Variants in TAPT1 observed in about 807,000 individuals in gnomAD.
TAPT1 encodes the protein transmembrane anterior posterior transformation 1.
A neutral mutation model predicts 65.6 loss-of-function variants in TAPT1; 28 were observed. That is an observed-to-expected ratio of 0.43 (90% CI 0.32 to 0.59). The LOEUF is 0.59. TAPT1 is among the 20% of genes least tolerant of loss of function. The pLI is 0.09. For synonymous variants in TAPT1, 278 were observed against 245.2 expected, an observed-to-expected ratio of 1.13 and a Z score of -1.25; for missense variants, 563 against 679.9, an observed-to-expected ratio of 0.83 and a Z score of 1.91.
chr4:16,192,784 G>A (rs1749450822), intron 3 of TAPT1, among the ~76,000 whole-genome samples: 1 of 152,088 alleles, frequency 6.6e-6, no homozygotes, highest in African/African-American at 2.4e-5. Flanking sequence ...TTTTTTAGGA[G>A]CTGCAGAATC....
In TAPT1 at chr4:16,161,813, T is replaced by G. The variant is rs1357130178; in HGVS notation, c.*1495A>C. On this transcript the variant is annotated 3_prime_UTR_variant, in exon 14 of 14. Transcript: ENST00000405303. Reference sequence around the variant, plus strand: ...ACATTAAAGCTTGCTTTATATTTCATCCAAGAAACAGACAAATCACCTAAA... The same window carrying G: ...ACATTAAAGCTTGCTTTATATTTCAGCCAAGAAACAGACAAATCACCTAAA... 3 of 152,342 alleles carry G rather than the reference T, an allele frequency of 2.0e-5. No individual in the cohort carries two copies. Among genetic ancestry groups the G allele is most frequent in the Non-Finnish European group, 4.4e-5 (3 of 68,024 alleles). The allele number at this position is 152,342 out of a possible 1,614,324, so 9.4% of individuals were successfully genotyped here.
chr4:16,191,668 TA>T (rs1391208376), intron 3 of TAPT1, 145 bp from the exon 4 acceptor site: 5 of 868,192 alleles, frequency 5.8e-6, no homozygotes, highest in Non-Finnish European at 6.8e-6. Flanking sequence ...CAAGGGAGGT[TA>T]AACTAAATGA....
intron 2 of TAPT1, among the ~76,000 whole-genome samples, chr4:16,202,816 G>A (rs1237612239): frequency 6.6e-6 from 1 of 152,154 alleles, no homozygotes; most frequent in Admixed American, 6.5e-5. Context: ...CTTGACCATA[G>A]TTAATGGCAC....
At position 16,166,642 on chromosome 4, in the gene TAPT1, G is replaced by T. The variant is rs777190099; in HGVS notation, c.1465C>A (p.Pro489Thr). Residue 489 changes from proline to threonine, a missense_variant, in exon 13 of 14, where the codon CCC becomes ACC. By Grantham distance (38) the Pro-to-Thr change is conservative. This residue lies in a region of TAPT1 where 136 missense variants were observed against 153.9 expected (regional missense o/e 0.88). Transcript: ENST00000405303. ...PSSKSQNKCK[P>T]SQGLSTEENL... ...AAGGGACCAAACCTACCTTGAGAGG[G>T]TTTACATTTGTTCTGTGATTTACTG... The T allele has an allele frequency of 1.2e-6, 2 of 1,613,998 alleles. No homozygotes were observed. Among genetic ancestry groups the T allele is most frequent in the Non-Finnish European group, 1.7e-6 (2 of 1,179,862 alleles).
At chr4:16,226,578 C>T (rs1751585857), upstream of TAPT1, 1 of 628,212 alleles carries the variant, frequency 1.6e-6, no homozygotes, top group Non-Finnish European at 2.0e-6. Flanking sequence ...CGCCGCCATC[C>T]GCGGCCCGCC....
chr4:16,206,943 G>C (rs73130451), intron 2 of TAPT1, among the ~76,000 whole-genome samples: 26,492 of 152,128 alleles, frequency 0.17, 2,822 homozygotes, highest in East Asian at 0.31. Context: ...AGAATGGTAA[G>C]ACAGTTGCAG....
intron 13 of TAPT1, among the ~76,000 whole-genome samples, chr4:16,165,877 C>T (rs1747576612): frequency 6.6e-6 from 1 of 152,146 alleles, no homozygotes; most frequent in African/African-American, 2.4e-5. Flanking sequence ...ACCTCTGGGC[C>T]CACCCCTCTG....
intron 1 of TAPT1, among the ~76,000 whole-genome samples, chr4:16,223,273 A>C (rs1350582245): frequency 6.6e-6 from 1 of 152,242 alleles, no homozygotes; most frequent in African/African-American, 2.4e-5. Context: ...GCTATACAGA[A>C]ACTCTCCTAC....
rs531695855 is a variant in TAPT1, at chr4:16,161,420, A to C, written c.*1888T>G. 5.2e-5 allele frequency: 8 copies of C among 152,788 alleles called. No individual in the cohort carries two copies. Among genetic ancestry groups the C allele is most frequent in the African/African-American group, 1.9e-4 (8 of 41,596 alleles). The allele number at this position is 152,788 out of a possible 1,614,324, so 9.5% of individuals were successfully genotyped here. A position where few individuals can be genotyped will look rare whatever the true frequency, so the allele number is the denominator to read the frequency against. On this transcript the variant is annotated 3_prime_UTR_variant, in exon 14 of 14. Transcript: ENST00000405303. Reference sequence around the variant, plus strand: ...GAACTCCCAACAGCATCTGCAAAGGAATGGAAATCTTCTGAAAATGACAGC... The same window carrying C: ...GAACTCCCAACAGCATCTGCAAAGGCATGGAAATCTTCTGAAAATGACAGC...
Position 16,188,354 on chromosome 4 carries a change from A to AC in TAPT1, c.613dup (p.Val205GlyfsTer3). The AC allele has an allele frequency of 6.4e-7, 1 of 1,566,162 alleles. No individual in the cohort carries two copies. Among genetic ancestry groups the AC allele is most frequent in the South Asian group, 1.2e-5 (1 of 81,826 alleles). The stretch of plus-strand genomic sequence containing the variant: ...AAAAGATGAAAACAGACGATCAGCT[A>AC]CCTAAAAAAAAAAATTATTTGTAAG... On this transcript the variant is annotated frameshift_variant and splice_region_variant, in exon 5 of 14. Coordinates refer to ENST00000405303, the MANE Select transcript of TAPT1 (RefSeq NM_153365.3). LOFTEE classifies it high-confidence loss of function.
chr4:16,177,580 G>C lies in TAPT1; in HGVS notation c.998-1352C>G, dbSNP rs372745331. ...CTGCTACTAACTGCTATATGACCTT[G>C]GACAAGTTTTTTTTTTAATCCACAT... is the stretch of plus-strand genomic sequence containing the variant. On this transcript the variant is annotated intron_variant, in intron 8 of 13. Coordinates refer to ENST00000405303, the MANE Select transcript of TAPT1 (RefSeq NM_153365.3). 6.4e-4 allele frequency among the ~76,000 whole-genome samples: 98 copies of C among 152,108 alleles called. 1 individual carries two copies. Among genetic ancestry groups the C allele is most frequent in the African/African-American group, 2.2e-3 (91 of 41,386 alleles).
chr4:16,189,713 T>C (rs1008341657), intron 4 of TAPT1, among the ~76,000 whole-genome samples: 3 of 152,244 alleles, frequency 2.0e-5, no homozygotes, highest in African/African-American at 4.8e-5. Context: ...AGCCACCTCA[T>C]CAATTATAGT....
At chr4:16,198,312 G>A (rs1749834892) in intron 3 of TAPT1, among the ~76,000 whole-genome samples, 1 of 152,206 alleles carries the variant, frequency 6.6e-6, no homozygotes. Flanking sequence ...TGTACAAGAT[G>A]TAAATCTGCA....
chr4:16,179,648 T>TA lies in TAPT1; in HGVS notation c.925_926insT (p.Glu309ValfsTer54). The TA allele has an allele frequency of 6.5e-7, 1 of 1,530,064 alleles. No homozygotes were observed. Among genetic ancestry groups the TA allele is most frequent in the Non-Finnish European group, 8.8e-7 (1 of 1,137,670 alleles). The allele number at this position is 1,530,064 out of a possible 1,614,324, so 94.8% of individuals were successfully genotyped here. On this transcript the variant is annotated frameshift_variant, in exon 8 of 14. Transcript: ENST00000405303. LOFTEE classifies it high-confidence loss of function. ...TAAAAGCACATAATTTGTGAATCGTTCCTTAATATCTAAAAGAAAAAAAAT... is the reference window on the plus strand; with the variant it reads ...TAAAAGCACATAATTTGTGAATCGTTACCTTAATATCTAAAAGAAAAAAAAT...
chr4:16,226,029 C>G (rs1578496939), intron 1 of TAPT1: 2 of 1,005,474 alleles, frequency 2.0e-6, no homozygotes, highest in African/African-American at 3.5e-5. Flanking sequence ...CACACCTGGC[C>G]TGGCGCGGCC....
In TAPT1 at chr4:16,161,978, G is replaced by A. The variant is rs1578398518; in HGVS notation, c.*1330C>T. On this transcript the variant is annotated 3_prime_UTR_variant, in exon 14 of 14. Coordinates refer to ENST00000405303, the MANE Select transcript of TAPT1 (RefSeq NM_153365.3). ...CACCAGAAGTTGTAGAAGTTTTACA[G>A]AAATGCAAACACGGTTGTCAAGATA... 1 of 152,270 alleles carries A rather than the reference G, an allele frequency of 6.6e-6. No individual in the cohort carries two copies. The highest frequency in any genetic ancestry group is 1.9e-4 in the East Asian group (1 of 5,178). The allele number at this position is 152,270 out of a possible 1,614,324, so 9.4% of individuals were successfully genotyped here. A position where few individuals can be genotyped will look rare whatever the true frequency, so the allele number is the denominator to read the frequency against.
intron 9 of TAPT1, among the ~76,000 whole-genome samples, chr4:16,175,901 C>T (rs1748294099): frequency 1.3e-5 from 2 of 152,168 alleles, no homozygotes; most frequent in Non-Finnish European, 2.9e-5. Flanking sequence ...GACACTGTGA[C>T]TTCGACTACT....
intron 13 of TAPT1, among the ~76,000 whole-genome samples, chr4:16,164,092 G>A (rs927900858): frequency 1.3e-5 from 2 of 152,148 alleles, no homozygotes; most frequent in Non-Finnish European, 2.9e-5. Flanking sequence ...GGACAGCTGG[G>A]CTGGGGCCTG....
chr4:16,173,285 A>G (rs1450770432), intron 11 of TAPT1, among the ~76,000 whole-genome samples: 1 of 152,184 alleles, frequency 6.6e-6, no homozygotes, highest in Non-Finnish European at 1.5e-5. Context: ...AATTAACATT[A>G]TTATAGCCTA....
Sources: gnomAD v4.1 joint callset for allele counts (sites outside exome capture counted in the v4.1 genomes callset) on GRCh38, gnomAD v4.1.1 for gene constraint, gnomAD v4.1.1 regional missense constraint, MANE v1.5 for transcripts, NCBI Gene and HGNC (gene_info 2026-07-23, HGNC 2026-07-21) for gene names.